Variants in DRG2 observed in about 807,000 individuals in gnomAD.
DRG2 encodes developmentally-regulated GTP-binding protein 2.
In DRG2, 36 loss-of-function variants were observed where a neutral mutation model predicts 53.4. That is an observed-to-expected ratio of 0.67 (90% CI 0.52 to 0.89). The LOEUF (loss-of-function observed/expected upper bound fraction) is 0.89. Ranked by LOEUF, DRG2 falls within the 40% of genes least tolerant of loss-of-function variation. DRG2 has a pLI of 0.00. For synonymous variants in DRG2, 167 were observed against 192.1 expected (o/e 0.87, Z 1.08); for missense variants, 342 against 481.2 (o/e 0.71, Z 2.71).
In DRG2 at chr17:18,101,613, G is replaced by C. The variant is rs757497617; in HGVS notation, c.729+23G>C. 1.9e-6 allele frequency: 3 copies of C among 1,609,880 alleles called. No homozygotes were observed. In the South Asian group the frequency reaches 3.3e-5, roughly 18 times the overall value. ...TATGTAAGTGCAGGAGGGGAGCCCTGGCCTGGCCACTCGGCCTTTCTACCA... is the reference window on the plus strand; with the variant it reads ...TATGTAAGTGCAGGAGGGGAGCCCTCGCCTGGCCACTCGGCCTTTCTACCA... On this transcript the variant is annotated intron_variant, in intron 8 of 12. Transcript: ENST00000225729.
intron 1 of DRG2, among the ~76,000 whole-genome samples, chr17:18,091,461 C>T (rs1567598742): frequency 6.6e-6 from 1 of 152,180 alleles, no homozygotes; most frequent in Admixed American, 6.5e-5. Flanking sequence ...TGGCACCAGC[C>T]TGTAGTCCCA....
Position 18,107,334 on chromosome 17 carries a change from AC to A in DRG2, c.*95del. On this transcript the variant is annotated 3_prime_UTR_variant, in exon 13 of 13. Coordinates refer to ENST00000225729, the MANE Select transcript of DRG2 (RefSeq NM_001388.5). ...AACACCCAAACAGAAAAATACAAAT[AC>A]ACGTACCCCAGGAAGGGGTCCCTCA... is the stretch of plus-strand genomic sequence containing the variant. 8.1e-7 allele frequency: 1 copy of A among 1,229,170 alleles called. No homozygotes were observed. Among genetic ancestry groups the A allele is most frequent in the East Asian group, 2.5e-5 (1 of 40,050 alleles). 76.1% of individuals were successfully genotyped at this position (1,229,170 alleles called of 1,614,324 possible). A position where few individuals can be genotyped will look rare whatever the true frequency, so the allele number is the denominator to read the frequency against.
At position 18,103,906 on chromosome 17, in the gene DRG2, G is replaced by C; in HGVS notation, c.895+17G>C. ...AGAGAGGACGTGAGTTGCACTGCGC[G>C]TAGCTGAAAAACAGGCTGAGCTTCA... On this transcript the variant is annotated intron_variant, in intron 10 of 12. Coordinates refer to ENST00000225729, the MANE Select transcript of DRG2 (RefSeq NM_001388.5). This position sits in a 1 kb window ranked among gnomAD's most constrained non-coding sequence, Gnocchi z 4.4. The C allele has an allele frequency of 6.2e-7, 1 of 1,612,460 alleles. No homozygotes were observed. The highest frequency in any genetic ancestry group is 8.5e-7 in the Non-Finnish European group (1 of 1,178,660).
intron 2 of DRG2, chr17:18,095,387 C>CTTTTTTT (rs1175868477): frequency 1.1e-5 from 1 of 89,826 alleles, no homozygotes; most frequent in African/African-American, 4.5e-5. Flanking sequence ...CTGATCGGCT[C>CTTTTTTT]TTTTTTTTTT....
rs854763 is a variant in DRG2 at position 18,106,781 on chromosome 17, C to G, written c.1008+295C>G. Among the ~76,000 whole-genome samples, 58,496 of 148,240 alleles carry G rather than the reference C, an allele frequency of 0.39. 12,084 individuals are homozygous for G. The highest frequency in any genetic ancestry group is 0.7 in the South Asian group (3,302 of 4,720). ...TCATGGCCCAGTGCAGCCTCGACAT[C>G]TGTGCAAAAGCGATCCTCCCACCTC... On this transcript the variant is annotated intron_variant, in intron 12 of 12. Coordinates refer to ENST00000225729, the MANE Select transcript of DRG2 (RefSeq NM_001388.5).
intron 8 of DRG2, 81 bp from the exon 9 acceptor site, chr17:18,101,840 G>A (rs987156313): frequency 4.8e-6 from 7 of 1,471,084 alleles, no homozygotes; most frequent in Non-Finnish European, 4.7e-6. Context: ...AAGGGCTGCA[G>A]CCGGCACAGG....
chr17:18,107,499 G>A lies in DRG2; in HGVS notation c.*259G>A. 1.9e-6 allele frequency: 1 copy of A among 529,918 alleles called. No individual in the cohort carries two copies. The highest frequency in any genetic ancestry group is 3.4e-6 in the Non-Finnish European group (1 of 292,178). 32.8% of individuals were successfully genotyped at this position (529,918 alleles called of 1,614,324 possible). A position where few individuals can be genotyped will look rare whatever the true frequency, so the allele number is the denominator to read the frequency against. On this transcript the variant is annotated 3_prime_UTR_variant, in exon 13 of 13. Coordinates refer to ENST00000225729, the MANE Select transcript of DRG2 (RefSeq NM_001388.5). ...AGTTTGTAGTGCTGAGCCTGCATCT[G>A]TGCCTCCCAGCCCCCTGCACTGAGG...
At chr17:18,104,869 G>A (rs2045600493) in intron 11 of DRG2, among the ~76,000 whole-genome samples, 188 bp downstream of exon 11, 1 of 152,204 alleles carries the variant, frequency 6.6e-6, no homozygotes, top group African/African-American at 2.4e-5. Flanking sequence ...ATGTGCCGAG[G>A]CTCTGACCTC....
chr17:18,093,376 A>G (rs1227415883), intron 1 of DRG2, among the ~76,000 whole-genome samples: 2 of 150,826 alleles, frequency 1.3e-5, no homozygotes, highest in African/African-American at 2.4e-5. Flanking sequence ...CTGGAGTGCA[A>G]TGACGTGATC....
In DRG2 at chr17:18,090,406, A is replaced by ATTTTTTTT. The variant is rs1186716416; in HGVS notation, c.64+2339_64+2346dup. ...TATATATATATATATATATATATAT[A>ATTTTTTTT]TTTTTTTTTTTTTTTTTTTTTTTTT... On this transcript the variant is annotated intron_variant, in intron 1 of 12. Transcript: ENST00000225729. Among the ~76,000 whole-genome samples the ATTTTTTTT allele has an allele frequency of 3.5e-4, 8 of 22,692 alleles. 1 individual carries two copies. Among genetic ancestry groups the ATTTTTTTT allele is most frequent in the Non-Finnish European group, 5.1e-4 (7 of 13,692 alleles). 14.9% of individuals were successfully genotyped at this position (22,692 alleles called of 152,430 possible).
In DRG2 at chr17:18,099,324, C is replaced by T; in HGVS notation, c.376+247C>T. On this transcript the variant is annotated intron_variant, in intron 4 of 12. Transcript: ENST00000225729. The surrounding 1 kb of genome is among the most constrained non-coding windows in gnomAD (Gnocchi z 4.4). ...AATGGGCATAATAATACATAATTTA[C>T]AGCATAGTTTTGAGGATTAAGTGAG... 1 of 611,908 alleles carries T rather than the reference C, an allele frequency of 1.6e-6. No homozygotes were observed. The highest frequency in any genetic ancestry group is 2.9e-6 in the Non-Finnish European group (1 of 348,348). The allele number at this position is 611,908 out of a possible 1,614,324, so 37.9% of individuals were successfully genotyped here. A position where few individuals can be genotyped will look rare whatever the true frequency, so the allele number is the denominator to read the frequency against.
chr17:18,088,438 GT>G (rs1220646447), intron 1 of DRG2, among the ~76,000 whole-genome samples: 2 of 152,228 alleles, frequency 1.3e-5, no homozygotes, highest in African/African-American at 4.8e-5. Flanking sequence ...CTACTCTGTT[GT>G]TTTGGGAAGT....
chr17:18,107,213 G>A lies in DRG2; in HGVS notation c.1068G>A (p.Glu356=). 1 of 1,613,400 alleles carries A rather than the reference G, an allele frequency of 6.2e-7. No individual in the cohort carries two copies. The highest frequency in any genetic ancestry group is 8.5e-7 in the Non-Finnish European group (1 of 1,180,030). Residue 356 remains glutamate, a synonymous_variant, in exon 13 of 13, where the codon GAG becomes GAA. Coordinates refer to ENST00000225729, the MANE Select transcript of DRG2 (RefSeq NM_001388.5). ...GCCTGACCCACACCATGGAGCATGA[G>A]GACGTCATCCAGATCGTGAAGAAGT... ...RVGLTHTMEH[E]DVIQIVKK
At chr17:18,105,277 C>T (rs1300344629) in intron 11 of DRG2, among the ~76,000 whole-genome samples, 4 of 152,148 alleles carry the variant, frequency 2.6e-5, no homozygotes, top group African/African-American at 9.7e-5. Context: ...GGCCAACCTT[C>T]AGGTCACATG....
Position 18,101,527 on chromosome 17 carries a change from C to A in DRG2, c.666C>A (p.Asp222Glu). Residue 222 changes from aspartate to glutamate, a missense_variant, in exon 8 of 13, where the codon GAC (aspartate) becomes GAA (glutamate). Asp to Glu is a conservative substitution (Grantham distance 45). Coordinates refer to ENST00000225729, the MANE Select transcript of DRG2 (RefSeq NM_001388.5). Reference protein sequence around the residue: ...IFNAEVLFREDCSPDEFIDVI... With the variant: ...IFNAEVLFREECSPDEFIDVI... ...ATGCAGAAGTGCTTTTCCGAGAAGA[C>A]TGCTCCCCGGACGAGTTCATCGATG... 1 of 1,614,202 alleles carries A rather than the reference C, an allele frequency of 6.2e-7. No homozygotes were observed. The highest frequency in any genetic ancestry group is 8.5e-7 in the Non-Finnish European group (1 of 1,180,040).
chr17:18,106,571 T>G, intron 12 of DRG2, 85 bp downstream of exon 12: 3 of 1,467,580 alleles, frequency 2.0e-6, no homozygotes, highest in Non-Finnish European at 2.9e-6. Context: ...TCACACTCTC[T>G]GCGTGGTGTT....
intron 1 of DRG2, among the ~76,000 whole-genome samples, chr17:18,090,412 T>A (rs1196508319): frequency 2.7e-4 from 16 of 59,272 alleles, no homozygotes; most frequent in East Asian, 4.8e-4. Context: ...ATATATTTTT[T>A]TTTTTTTTTT....
intron 11 of DRG2, 197 bp from the exon 12 acceptor site, chr17:18,106,236 G>A (rs990163632): frequency 1.7e-6 from 1 of 604,946 alleles, no homozygotes; most frequent in Non-Finnish European, 3.0e-6. Flanking sequence ...GAATGGCAGG[G>A]CCACCTGCAG....
In DRG2 at chr17:18,103,257, C is replaced by A. The variant is rs973082939; in HGVS notation, c.807-544C>A. On this transcript the variant is annotated intron_variant, in intron 9 of 12. Transcript: ENST00000225729. This position sits in a 1 kb window ranked among gnomAD's most constrained non-coding sequence, Gnocchi z 4.4. ...ACGGCGCAAACCTTCAAGCCACGGT[C>A]CACCCAGTATTTGGAGCAAGGCACA... 1.3e-5 allele frequency among the ~76,000 whole-genome samples: 2 copies of A among 152,124 alleles called. No individual in the cohort carries two copies. The highest frequency in any genetic ancestry group is 2.4e-5 in the African/African-American group (1 of 41,418).
Sources: gnomAD v4.1 joint callset for allele counts (sites outside exome capture counted in the v4.1 genomes callset) on GRCh38, gnomAD v4.1.1 for gene constraint, Gnocchi (gnomAD v3.1) non-coding constraint, MANE v1.5 for transcripts, NCBI Gene and HGNC (gene_info 2026-07-23, HGNC 2026-07-21) for gene names.